AGBL4: variants seen among roughly 807,000 people sequenced by gnomAD.
The protein encoded by AGBL4 is cytosolic carboxypeptidase 6.
In AGBL4, 58 loss-of-function variants were observed where a neutral mutation model predicts 66.4. The ratio of observed to expected loss-of-function variants is 0.87; its 90% CI spans 0.71 to 1.09. The LOEUF is 1.09. Ranked by LOEUF, AGBL4 falls within the 50% of genes least tolerant of loss-of-function variation. AGBL4 has a pLI of 0.00. For missense variants in AGBL4, 579 were observed against 631.0 expected, an observed-to-expected ratio of 0.92 and a Z score of 0.88; for synonymous variants, 234 against 222.9, an observed-to-expected ratio of 1.05 and a Z score of -0.44.
chr1:49,627,479 T>C (rs1010666593), intron 3 of AGBL4, among the ~76,000 whole-genome samples: 1 of 152,144 alleles, frequency 6.6e-6, no homozygotes, highest in South Asian at 2.1e-4. Flanking sequence ...TTCTAATCTT[T>C]CCCCTTTCAG....
chr1:48,661,570 C>T (rs1166339734), intron 7 of AGBL4, among the ~76,000 whole-genome samples: 5 of 152,332 alleles, frequency 3.3e-5, no homozygotes, highest in South Asian at 2.1e-4. Context: ...ACCTACAGAA[C>T]GCCATTGAGT....
chr1:48,795,432 TTTTC>T (rs1351951521), intron 6 of AGBL4, among the ~76,000 whole-genome samples: 7 of 152,168 alleles, frequency 4.6e-5, no homozygotes, highest in African/African-American at 1.7e-4. Flanking sequence ...CCTTTTTCTT[TTTTC>T]TTTAACTTTT....
At chr1:49,568,261 G>T (rs1310182962) in intron 3 of AGBL4, among the ~76,000 whole-genome samples, 1 of 152,052 alleles carries the variant, frequency 6.6e-6, no homozygotes, top group Non-Finnish European at 1.5e-5. Context: ...TGGACCAAAA[G>T]CTCCTTAAGC....
rs71417637 is a variant in AGBL4 at position 49,480,811 on chromosome 1, G to C, written c.282+216502C>G. Among the ~76,000 whole-genome samples the C allele has an allele frequency of 3.4e-3, 512 of 152,086 alleles. 1 individual carries two copies. Among genetic ancestry groups the C allele is most frequent in the African/African-American group, 0.012 (482 of 41,522 alleles). ...TTTAATCCATCTTGAGTTAATTTTT[G>C]TATGTGGTTTAAGAAGGGATCCAGT... On this transcript the variant is annotated intron_variant, in intron 3 of 13. Transcript: ENST00000371839.
chr1:49,988,280 T>A lies in AGBL4; in HGVS notation c.34+35483A>T, dbSNP rs1308134941. Among the ~76,000 whole-genome samples the A allele has an allele frequency of 2.0e-5, 3 of 152,146 alleles. No homozygotes were observed. The East Asian group carries it at 5.8e-4, about 29-fold the overall frequency. On this transcript the variant is annotated intron_variant, in intron 1 of 13. Coordinates refer to ENST00000371839, the MANE Select transcript of AGBL4 (RefSeq NM_032785.4). ...GCAATTCTAATCAAGTTTTTATCCA[T>A]CCATTTATCTAGACTTTCCTAAGCA...
chr1:49,942,735 C>T (rs1654880597), intron 1 of AGBL4, among the ~76,000 whole-genome samples: 1 of 151,992 alleles, frequency 6.6e-6, no homozygotes, highest in African/African-American at 2.4e-5. Context: ...AACAATAAAA[C>T]ATAGAGGGAA....
At chr1:49,237,817 G>T (rs1209059159) in intron 4 of AGBL4, among the ~76,000 whole-genome samples, 1 of 151,834 alleles carries the variant, frequency 6.6e-6, no homozygotes, top group Non-Finnish European at 1.5e-5. Context: ...GTTTCTTCCT[G>T]ATATACTAAG....
At chr1:49,396,031 AT>A (rs1324548864) in intron 3 of AGBL4, among the ~76,000 whole-genome samples, 2 of 151,072 alleles carry the variant, frequency 1.3e-5, no homozygotes, top group Non-Finnish European at 2.9e-5. Context: ...CATCAACCAA[AT>A]TATCCAGTAA....
chr1:49,882,145 A>C (rs2148145434), intron 1 of AGBL4, among the ~76,000 whole-genome samples: 1 of 151,912 alleles, frequency 6.6e-6, no homozygotes, highest in Non-Finnish European at 1.5e-5. Flanking sequence ...TAAATAGGGA[A>C]TCCTTTCCCC....
At chr1:49,845,155 C>T in intron 2 of AGBL4, 1 of 1,397,080 alleles carries the variant, frequency 7.2e-7, no homozygotes, top group Non-Finnish European at 1.0e-6. Context: ...AGGACAGAGA[C>T]CTTATGAATG....
In AGBL4 at chr1:48,958,305, A is replaced by C. The variant is rs57358581; in HGVS notation, c.594+87279T>G. Reference sequence around the variant, plus strand: ...CCCTGTGAATGCCTTTCTGCTCCTCAATTCCACTTCAGAGAGGCTAACTTT... The same window carrying C: ...CCCTGTGAATGCCTTTCTGCTCCTCCATTCCACTTCAGAGAGGCTAACTTT... On this transcript the variant is annotated intron_variant, in intron 5 of 13. Transcript: ENST00000371839. 9.2e-3 allele frequency among the ~76,000 whole-genome samples: 1,394 copies of C among 152,234 alleles called. 22 individuals carry two copies. Among genetic ancestry groups the C allele is most frequent in the African/African-American group, 0.026 (1,084 of 41,538 alleles).
At chr1:49,078,368 A>G (rs1484375860) in intron 4 of AGBL4, among the ~76,000 whole-genome samples, 1 of 152,196 alleles carries the variant, frequency 6.6e-6, no homozygotes, top group Admixed American at 6.5e-5. Context: ...TTAATTGTCC[A>G]CTAGATATCT....
intron 3 of AGBL4, among the ~76,000 whole-genome samples, chr1:49,424,804 G>A (rs1444477969): frequency 6.6e-6 from 1 of 152,154 alleles, no homozygotes; most frequent in Non-Finnish European, 1.5e-5. Flanking sequence ...ATGGGGACTC[G>A]CAGCACTGTT....
At chr1:48,887,069 A>G (rs1650432607) in intron 5 of AGBL4, among the ~76,000 whole-genome samples, 1 of 152,154 alleles carries the variant, frequency 6.6e-6, no homozygotes, top group Non-Finnish European at 1.5e-5. Flanking sequence ...TGTTTCTTAT[A>G]GGGTGGCTGG....
At chr1:49,841,800 A>T (rs1232426766) in intron 2 of AGBL4, 16 of 144,430 alleles carry the variant, frequency 1.1e-4, no homozygotes, top group South Asian at 5.8e-4. Flanking sequence ...ACAATGTGAT[A>T]AAAAAAAAAA....
chr1:49,933,861 A>G (rs1422300467), intron 1 of AGBL4, among the ~76,000 whole-genome samples: 1 of 152,190 alleles, frequency 6.6e-6, no homozygotes, highest in Non-Finnish European at 1.5e-5. Context: ...TGAGGAAAAA[A>G]GAAACACAAT....
chr1:49,260,729 AC>A (rs1393990506), intron 3 of AGBL4, among the ~76,000 whole-genome samples: 3 of 152,188 alleles, frequency 2.0e-5, no homozygotes, highest in Non-Finnish European at 4.4e-5. Context: ...TACCAGAGGT[AC>A]AAGGAGGAAC....
chr1:49,981,199 T>C (rs1181973569), intron 1 of AGBL4, among the ~76,000 whole-genome samples: 1 of 152,212 alleles, frequency 6.6e-6, no homozygotes, highest in African/African-American at 2.4e-5. Flanking sequence ...CAAAGGATTC[T>C]GTACACGCTT....
chr1:49,627,733 C>A (rs1645491842), intron 3 of AGBL4, among the ~76,000 whole-genome samples: 1 of 152,154 alleles, frequency 6.6e-6, no homozygotes, highest in Non-Finnish European at 1.5e-5. Flanking sequence ...ATAAACCAAG[C>A]CCAGGGCTAT....
Sources: gnomAD v4.1 joint callset for allele counts (sites outside exome capture counted in the v4.1 genomes callset) on GRCh38, gnomAD v4.1.1 for gene constraint, MANE v1.5 for transcripts, NCBI Gene and HGNC (gene_info 2026-07-23, HGNC 2026-07-21) for gene names.